Variants in ARFGEF3 observed in about 807,000 individuals in gnomAD.
ARFGEF3 encodes brefeldin A-inhibited guanine nucleotide-exchange protein 3.
In ARFGEF3, 96 loss-of-function variants were observed where a neutral mutation model predicts 221.7. The ratio of observed to expected loss-of-function variants is 0.43; its 90% CI spans 0.37 to 0.51. The LOEUF is 0.51. Among genes scored for constraint, ARFGEF3 ranks in the 20% least tolerant of loss-of-function variants. The probability of loss-of-function intolerance (pLI) is 0.00; values close to 1 mark genes in which losing one functional copy is unlikely to be tolerated. For synonymous variants in ARFGEF3, 1,145 were observed against 1,126.8 expected (o/e 1.02, Z -0.32); for missense variants, 2,410 against 2,789.9 (o/e 0.86, Z 3.07).
chr6:138,297,814 G>A lies in ARFGEF3; in HGVS notation c.3649-792G>A, dbSNP rs369642885. 2.6e-5 allele frequency among the ~76,000 whole-genome samples: 4 copies of A among 152,284 alleles called. No homozygotes were observed. The East Asian group carries it at 5.8e-4, about 22-fold the overall frequency. The stretch of plus-strand genomic sequence containing the variant: ...GTAGGCTTCTCTGGGTAGTTCTGGT[G>A]TTGGCCAGGGGTGGCAGATCTCACT... On this transcript the variant is annotated intron_variant, in intron 21 of 33. Transcript: ENST00000251691.
Position 138,291,868 on chromosome 6 carries a change from GC to G in ARFGEF3, c.3189del (p.Glu1064SerfsTer10). 5 of 1,494,286 alleles carry G rather than the reference GC, an allele frequency of 3.3e-6. No individual in the cohort carries two copies. The highest frequency in any genetic ancestry group is 2.7e-6 in the Non-Finnish European group (3 of 1,117,254). The allele number at this position is 1,494,286 out of a possible 1,614,324, so 92.6% of individuals were successfully genotyped here. On this transcript the variant is annotated frameshift_variant, in exon 19 of 34. Coordinates refer to ENST00000251691, the MANE Select transcript of ARFGEF3 (RefSeq NM_020340.5). LOFTEE classifies it high-confidence loss of function. The surrounding 1 kb of genome is among the most constrained non-coding windows in gnomAD (Gnocchi z 4.5). ...LLGDPECEGS[P>X]PEHSPEQGRS... ...TTGGGGACCCCGAGTGTGAGGGCTCGCCCCCCGAGCACAGCCCGGAGCAGGG... is the reference window on the plus strand; with the variant it reads ...TTGGGGACCCCGAGTGTGAGGGCTCGCCCCCGAGCACAGCCCGGAGCAGGG...
chr6:138,177,165 C>A (rs184930426), intron 2 of ARFGEF3, among the ~76,000 whole-genome samples: 227 of 152,036 alleles, frequency 1.5e-3, no homozygotes, highest in African/African-American at 5.3e-3. Flanking sequence ...TCTCAGCTCA[C>A]TGCAACCTCT....
chr6:138,270,128 A>T (rs1212124620), intron 12 of ARFGEF3, among the ~76,000 whole-genome samples: 1 of 152,110 alleles, frequency 6.6e-6, no homozygotes, highest in East Asian at 1.9e-4. Context: ...GCCACACAAC[A>T]ACCTCAAGTT....
At chr6:138,254,246 G>C (rs1339442243) in intron 9 of ARFGEF3, among the ~76,000 whole-genome samples, 2 of 151,770 alleles carry the variant, frequency 1.3e-5, no homozygotes, top group Non-Finnish European at 2.9e-5. Context: ...ATGAAACCTC[G>C]TCTCTCCTAA....
chr6:138,250,697 G>A (rs1393967669), intron 8 of ARFGEF3, among the ~76,000 whole-genome samples: 4 of 152,214 alleles, frequency 2.6e-5, no homozygotes, highest in Non-Finnish European at 4.4e-5. Context: ...CACGGCCTGC[G>A]GGTCCACGCC....
chr6:138,311,328 TGTGA>T, intron 24 of ARFGEF3, 75 bp from the exon 25 acceptor site: 2 of 804,608 alleles, frequency 2.5e-6, no homozygotes, highest in South Asian at 3.2e-5. Context: ...ACTAGTGCTA[TGTGA>T]GTAAACAGGT....
chr6:138,275,813 C>T (rs1420701778), intron 12 of ARFGEF3, among the ~76,000 whole-genome samples: 2 of 151,714 alleles, frequency 1.3e-5, no homozygotes, highest in African/African-American at 4.8e-5. Flanking sequence ...AAATTTGTAT[C>T]TCTCATTTTC....
chr6:138,184,812 T>C (rs1777150891), intron 2 of ARFGEF3, among the ~76,000 whole-genome samples: 1 of 152,220 alleles, frequency 6.6e-6, no homozygotes, highest in African/African-American at 2.4e-5. Flanking sequence ...TGGATGAGGG[T>C]GGCTGTTGAT....
At chr6:138,327,721 GTTAATA>G (rs1357770164) in intron 31 of ARFGEF3, among the ~76,000 whole-genome samples, 1 of 151,522 alleles carries the variant, frequency 6.6e-6, no homozygotes, top group African/African-American at 2.4e-5. Flanking sequence ...TTTACTTGTA[GTTAATA>G]TTAAGTGTCA....
intron 1 of ARFGEF3, among the ~76,000 whole-genome samples, chr6:138,167,298 A>G (rs139211574): frequency 1.3e-5 from 2 of 152,134 alleles, no homozygotes; most frequent in Non-Finnish European, 2.9e-5. Flanking sequence ...ACACACACAT[A>G]CCCACAGCTT....
chr6:138,189,371 A>G (rs957290158), intron 2 of ARFGEF3, among the ~76,000 whole-genome samples: 2 of 152,232 alleles, frequency 1.3e-5, no homozygotes, highest in African/African-American at 4.8e-5. Flanking sequence ...CCTACTTTAT[A>G]GAGAGGAGAC....
At chr6:138,248,670 C>CA (rs1211970139) in intron 8 of ARFGEF3, among the ~76,000 whole-genome samples, 1 of 151,850 alleles carries the variant, frequency 6.6e-6, no homozygotes, top group East Asian at 1.9e-4. Context: ...ACTAAAAATA[C>CA]AAAAAATTAA....
At chr6:138,213,142 G>T (rs1387446004) in intron 4 of ARFGEF3, among the ~76,000 whole-genome samples, 1 of 151,954 alleles carries the variant, frequency 6.6e-6, no homozygotes, top group African/African-American at 2.4e-5. Context: ...CAAAAAATTA[G>T]CCGGGCATGG....
intron 1 of ARFGEF3, among the ~76,000 whole-genome samples, chr6:138,165,249 T>G (rs1192791088): frequency 6.8e-6 from 1 of 147,022 alleles, no homozygotes; most frequent in Non-Finnish European, 1.5e-5. Flanking sequence ...AGAGAGGGGA[T>G]ATCCCCCTCT....
chr6:138,340,258 C>CA lies in ARFGEF3; in HGVS notation c.*3777dup, dbSNP rs1303628549. 1 of 152,122 alleles carries CA rather than the reference C, an allele frequency of 6.6e-6. No individual in the cohort carries two copies. The highest frequency in any genetic ancestry group is 2.4e-5 in the African/African-American group (1 of 41,430). The allele number at this position is 152,122 out of a possible 1,614,324, so 9.4% of individuals were successfully genotyped here. Reference sequence around the variant, plus strand: ...ACTAAAATTTTTAAATCAAACATGACAAAAATGTTAATATAATTCAGAAGT... The same window carrying CA: ...ACTAAAATTTTTAAATCAAACATGACAAAAAATGTTAATATAATTCAGAAGT... On this transcript the variant is annotated 3_prime_UTR_variant, in exon 34 of 34. Coordinates refer to ENST00000251691, the MANE Select transcript of ARFGEF3 (RefSeq NM_020340.5).
At position 138,162,494 on chromosome 6, in the gene ARFGEF3, C is replaced by T. The variant is rs1010935315; in HGVS notation, c.85+323C>T. 6.6e-6 allele frequency among the ~76,000 whole-genome samples: 1 copy of T among 152,146 alleles called. No individual in the cohort carries two copies. ...AGTTAGGCAGGACCCGGAGCCGGTG[C>T]GAATCCTGGGGCCTGACAGCGAAGC... On this transcript the variant is annotated intron_variant, in intron 1 of 33. Coordinates refer to ENST00000251691, the MANE Select transcript of ARFGEF3 (RefSeq NM_020340.5). The surrounding 1 kb of genome is among the most constrained non-coding windows in gnomAD (Gnocchi z 4.7).
chr6:138,297,288 C>A (rs936980021), intron 21 of ARFGEF3, among the ~76,000 whole-genome samples: 17 of 152,180 alleles, frequency 1.1e-4, no homozygotes, highest in African/African-American at 4.1e-4. Flanking sequence ...TATTTTTATA[C>A]ATAAATATAA....
chr6:138,232,281 C>T lies in ARFGEF3; in HGVS notation c.420+2429C>T, dbSNP rs111396292. 7.9e-3 allele frequency among the ~76,000 whole-genome samples: 1,196 copies of T among 152,162 alleles called. 11 individuals are homozygous for T. The highest frequency in any genetic ancestry group is 0.026 in the African/African-American group (1,091 of 41,524). ...CAGCACTTTGGGAGGCCGAGACAGG[C>T]GGATCACCTGAGGTTGAGAGTTCGA... On this transcript the variant is annotated intron_variant, in intron 5 of 33. Coordinates refer to ENST00000251691, the MANE Select transcript of ARFGEF3 (RefSeq NM_020340.5).
chr6:138,265,812 G>C (rs1778881855), intron 12 of ARFGEF3, among the ~76,000 whole-genome samples: 1 of 151,996 alleles, frequency 6.6e-6, no homozygotes, highest in South Asian at 2.1e-4. Flanking sequence ...CTTTTATTTT[G>C]TAACAGGGTC....
Sources: gnomAD v4.1 joint callset for allele counts (sites outside exome capture counted in the v4.1 genomes callset) on GRCh38, gnomAD v4.1.1 for gene constraint, Gnocchi (gnomAD v3.1) non-coding constraint, MANE v1.5 for transcripts, NCBI Gene and HGNC (gene_info 2026-07-23, HGNC 2026-07-21) for gene names.